Variants in FIRRM observed in about 807,000 individuals in gnomAD.
The protein encoded by FIRRM is FIGNL1-interacting regulator of recombination and mitosis.
the FIRRM span, among the ~76,000 whole-genome samples, chr1:169,819,095 G>A: frequency 6.6e-6 from 1 of 152,212 alleles, no homozygotes; most frequent in Non-Finnish European, 1.5e-5. Flanking sequence ...CAGTTGGAAC[G>A]CAAAATAGAT....
At chr1:169,826,409 C>G in the FIRRM span, among the ~76,000 whole-genome samples, 1 of 140,082 alleles carries the variant, frequency 7.1e-6, no homozygotes, top group South Asian at 2.3e-4. Context: ...GCCGCCCAGG[C>G]TGGAGTGCAG....
At chr1:169,791,205 G>A in the FIRRM span, among the ~76,000 whole-genome samples, 3 of 152,214 alleles carry the variant, frequency 2.0e-5, no homozygotes, top group African/African-American at 7.2e-5. Flanking sequence ...CTGTTGCTAG[G>A]TATAAGCATC....
the FIRRM span, chr1:169,795,624 C>T: frequency 1.0e-6 from 1 of 996,262 alleles, no homozygotes; most frequent in Non-Finnish European, 1.2e-6. Flanking sequence ...AAGCGAGATA[C>T]TCTGAGCTTT....
chr1:169,841,670 G>GT, the FIRRM span, among the ~76,000 whole-genome samples: 1 of 152,100 alleles, frequency 6.6e-6, no homozygotes, highest in East Asian at 1.9e-4. Context: ...ATTAAATGCA[G>GT]TGTTGCTGAG....
chr1:169,832,642 AC>A, the FIRRM span: 1 of 626,768 alleles, frequency 1.6e-6, no homozygotes, highest in Non-Finnish European at 2.7e-6. Flanking sequence ...TCGCTCTGTC[AC>A]CCAGGCTGGT....
chr1:169,810,575 G>A, the FIRRM span, among the ~76,000 whole-genome samples: 2 of 151,948 alleles, frequency 1.3e-5, no homozygotes, highest in African/African-American at 4.8e-5. Flanking sequence ...ACCAGTGATA[G>A]TGATTAAGGG....
chr1:169,853,725 A>ATCT, the FIRRM span: 1 of 1,613,718 alleles, frequency 6.2e-7, no homozygotes, highest in Middle Eastern at 1.7e-4. Flanking sequence ...ACCAGTTATT[A>ATCT]TCTTCCCAGT....
chr1:169,793,907 A>T, the FIRRM span: 6 of 220,152 alleles, frequency 2.7e-5, no homozygotes, highest in Admixed American at 1.3e-4. Context: ...TCTGGAAAGA[A>T]AAAAAAAAAA....
the FIRRM span, chr1:169,851,533 T>G: frequency 1.1e-5 from 4 of 364,342 alleles, no homozygotes; most frequent in Non-Finnish European, 2.0e-5. Context: ...TTTAAGTACA[T>G]GTGTATACAC....
chr1:169,813,422 AC>A, the FIRRM span, among the ~76,000 whole-genome samples: 3 of 152,362 alleles, frequency 2.0e-5, no homozygotes, highest in South Asian at 6.2e-4. Context: ...CAAATGTAAT[AC>A]GTAATCAGAA....
chr1:169,795,353 T>A, the FIRRM span: 1 of 1,405,514 alleles, frequency 7.1e-7, no homozygotes, highest in Non-Finnish European at 9.4e-7. Flanking sequence ...TGTCAGTGAG[T>A]GGGATGAAAA....
At chr1:169,831,247 A>G in the FIRRM span, among the ~76,000 whole-genome samples, 1 of 152,170 alleles carries the variant, frequency 6.6e-6, no homozygotes, top group Non-Finnish European at 1.5e-5. Context: ...ATTATTTTAT[A>G]ATGATTTCAT....
chr1:169,822,499 T>G, the FIRRM span, among the ~76,000 whole-genome samples: 1 of 152,192 alleles, frequency 6.6e-6, no homozygotes, highest in East Asian at 1.9e-4. Context: ...TGACAACTTT[T>G]CTATTTATTA....
the FIRRM span, chr1:169,792,416 A>G: frequency 1.8e-6 from 1 of 559,080 alleles, no homozygotes; most frequent in Non-Finnish European, 3.0e-6. Context: ...AGTTTCACCT[A>G]GTGAGTAAAA....
the FIRRM span, chr1:169,852,123 A>G: frequency 1.6e-5 from 11 of 699,066 alleles, no homozygotes; most frequent in Non-Finnish European, 2.6e-5. Flanking sequence ...ACACCATATC[A>G]AATATATTCT....
chr1:169,830,382 A>G, the FIRRM span: 1 of 1,476,250 alleles, frequency 6.8e-7, no homozygotes, highest in Non-Finnish European at 9.4e-7. Context: ...ATTGGTTATT[A>G]GTAGTGACTG....
At chr1:169,827,878 G>A in the FIRRM span, 47 of 1,604,430 alleles carry the variant, frequency 2.9e-5, no homozygotes, top group Admixed American at 4.5e-4. Context: ...ATTACCAATG[G>A]TTAAGAAGGC....
the FIRRM span, chr1:169,829,509 A>G: frequency 6.9e-7 from 1 of 1,455,890 alleles, no homozygotes; most frequent in Non-Finnish European, 9.3e-7. Flanking sequence ...CTTCATTGAA[A>G]TTGTGATTCA....
chr1:169,800,886 T>G, the FIRRM span: 1 of 1,543,406 alleles, frequency 6.5e-7, no homozygotes, highest in Non-Finnish European at 8.9e-7. Flanking sequence ...TTTACAGAAA[T>G]TTTGAAAATT....
Sources: allele counts gnomAD v4.1 joint callset (sites outside exome capture counted in the v4.1 genomes callset), GRCh38; gene constraint gnomAD v4.1.1; transcripts MANE v1.5; gene names NCBI Gene and HGNC (gene_info 2026-07-23, HGNC 2026-07-21).